ACYP2: variants seen among roughly 807,000 people sequenced by gnomAD.
The protein encoded by ACYP2 is acylphosphatase-2.
In ACYP2, 12 loss-of-function variants were observed where a neutral mutation model predicts 11.2. That is an observed-to-expected ratio of 1.08 (90% confidence interval 0.69 to 1.74). The LOEUF (loss-of-function observed/expected upper bound fraction) is 1.74, where lower values mean the gene tolerates loss of function less well. ACYP2 is among the 40% of genes most tolerant of loss of function. ACYP2 has a pLI of 0.00. For missense variants in ACYP2, 134 were observed against 101.9 expected (o/e 1.31, Z -1.35); for synonymous variants, 43 against 32.2 (o/e 1.33, Z -1.13).
chr2:54,122,889 T>A (rs28599574), intron 4 of ACYP2, among the ~76,000 whole-genome samples: 7,837 of 152,252 alleles, frequency 0.051, 628 homozygotes, highest in African/African-American at 0.17. Flanking sequence ...TGAGTTACTG[T>A]CAAGACAAAG....
intron 6 of ACYP2, among the ~76,000 whole-genome samples, chr2:54,271,560 C>A (rs1300236419): frequency 1.3e-5 from 2 of 152,096 alleles, no homozygotes; most frequent in African/African-American, 4.8e-5. Context: ...CAATCATCGG[C>A]ACCCATTCCC....
At chr2:54,040,544 A>G (rs1376205784) in intron 2 of ACYP2, among the ~76,000 whole-genome samples, 1 of 152,144 alleles carries the variant, frequency 6.6e-6, no homozygotes, top group Non-Finnish European at 1.5e-5. Context: ...GGGATGCTCC[A>G]AGTTTTGGAG....
chr2:54,284,154 T>TA (rs888126930), intron 6 of ACYP2, among the ~76,000 whole-genome samples: 64 of 151,742 alleles, frequency 4.2e-4, no homozygotes, highest in East Asian at 1.2e-3. Flanking sequence ...TTAAACTTTG[T>TA]AAAAAAAAAT....
chr2:54,063,993 C>A (rs1216078938), intron 4 of ACYP2, among the ~76,000 whole-genome samples: 1 of 152,128 alleles, frequency 6.6e-6, no homozygotes, highest in African/African-American at 2.4e-5. Context: ...GCAGTGGATG[C>A]TTTTCTTTTT....
At chr2:54,273,067 T>C (rs1224870055) in intron 6 of ACYP2, among the ~76,000 whole-genome samples, 1 of 152,246 alleles carries the variant, frequency 6.6e-6, no homozygotes. Flanking sequence ...GTAGGCAGGC[T>C]TTTCTCTGAC....
intron 6 of ACYP2, among the ~76,000 whole-genome samples, chr2:54,141,608 G>GA (rs1681603703): frequency 6.6e-6 from 1 of 152,136 alleles, no homozygotes; most frequent in South Asian, 2.1e-4. Flanking sequence ...CTGTTCCACT[G>GA]ATCTATTTCT....
intron 6 of ACYP2, among the ~76,000 whole-genome samples, chr2:54,199,011 G>C (rs1004446841): frequency 6.6e-6 from 1 of 152,096 alleles, no homozygotes; most frequent in East Asian, 1.9e-4. Flanking sequence ...TTTCAGCATG[G>C]GTGCTAGGTT....
At chr2:54,234,071 CT>C (rs58165383) in intron 6 of ACYP2, among the ~76,000 whole-genome samples, 37,601 of 151,956 alleles carry the variant, frequency 0.25, 4,716 homozygotes, top group East Asian at 0.37. Context: ...CAAATCAGGT[CT>C]GTAGGTGGTT....
chr2:54,228,505 A>C (rs905733419), intron 6 of ACYP2, among the ~76,000 whole-genome samples: 15 of 152,180 alleles, frequency 9.9e-5, no homozygotes, highest in African/African-American at 3.6e-4. Context: ...AGATTCAGGG[A>C]ACTTGACTTC....
intron 2 of ACYP2, among the ~76,000 whole-genome samples, chr2:53,984,161 T>C (rs1321653001): frequency 1.3e-5 from 2 of 152,054 alleles, no homozygotes; most frequent in South Asian, 4.1e-4. Flanking sequence ...TAGAGGTAAA[T>C]GATGAAGGCT....
intron 2 of ACYP2, among the ~76,000 whole-genome samples, chr2:54,017,944 G>A (rs1428342263): frequency 2.0e-5 from 3 of 152,000 alleles, no homozygotes; most frequent in South Asian, 2.1e-4. Flanking sequence ...ATGTGATCCT[G>A]CCTCCTTGGC....
chr2:54,083,319 G>A (rs1023540445), intron 4 of ACYP2, among the ~76,000 whole-genome samples: 1 of 152,170 alleles, frequency 6.6e-6, no homozygotes, highest in African/African-American at 2.4e-5. Flanking sequence ...CACAGCAATG[G>A]CAAGCCATGT....
intron 6 of ACYP2, among the ~76,000 whole-genome samples, chr2:54,160,778 G>A (rs1682677498): frequency 6.6e-6 from 1 of 152,214 alleles, no homozygotes; most frequent in Non-Finnish European, 1.5e-5. Flanking sequence ...GGGAGTCGTT[G>A]AAAAGTTTCA....
intron 2 of ACYP2, among the ~76,000 whole-genome samples, chr2:53,977,836 C>T (rs182840685): frequency 9.9e-5 from 15 of 151,962 alleles, no homozygotes; most frequent in Middle Eastern, 3.4e-3. Flanking sequence ...TTCTGGCTTT[C>T]CTTTCCTCTG....
intron 6 of ACYP2, among the ~76,000 whole-genome samples, chr2:54,259,137 C>G (rs1339576482): frequency 3.3e-5 from 5 of 152,158 alleles, no homozygotes; most frequent in African/African-American, 1.2e-4. Context: ...ACATGAGCAA[C>G]TGGTAGGATG....
chr2:53,971,704 A>G (rs879272836), intron 1 of ACYP2, among the ~76,000 whole-genome samples: 1 of 152,224 alleles, frequency 6.6e-6, no homozygotes, highest in Non-Finnish European at 1.5e-5. Context: ...TAGGAACTCT[A>G]CAAAGAAGTT....
At chr2:54,145,316 G>A (rs891657486) in intron 6 of ACYP2, among the ~76,000 whole-genome samples, 2 of 152,138 alleles carry the variant, frequency 1.3e-5, no homozygotes, top group African/African-American at 2.4e-5. Flanking sequence ...ATTAAATTAG[G>A]ATGCTTTAGG....
chr2:54,097,004 C>G (rs113710531), intron 4 of ACYP2, among the ~76,000 whole-genome samples: 27 of 152,334 alleles, frequency 1.8e-4, no homozygotes, highest in African/African-American at 6.3e-4. Flanking sequence ...GCCCCCACAT[C>G]CAGCCTGAAA....
At chr2:54,279,944 A>C (rs778218162) in intron 6 of ACYP2, among the ~76,000 whole-genome samples, 1 of 152,202 alleles carries the variant, frequency 6.6e-6, no homozygotes, top group Non-Finnish European at 1.5e-5. Context: ...TGGATTTGCT[A>C]TCTTATCTTC....
Sources: gnomAD v4.1 joint callset for allele counts (sites outside exome capture counted in the v4.1 genomes callset) on GRCh38, gnomAD v4.1.1 for gene constraint, MANE v1.5 for transcripts, NCBI Gene and HGNC (gene_info 2026-07-23, HGNC 2026-07-21) for gene names.